ZNF431: variants seen among roughly 807,000 people sequenced by gnomAD.
The protein encoded by ZNF431 is zinc finger protein 431.
Under a neutral mutation model 57.0 loss-of-function variants are expected in ZNF431, and 34 were observed. The observed-to-expected ratio is 0.60, with a 90% confidence interval of 0.45 to 0.79. The LOEUF is 0.79. Among genes scored for constraint, ZNF431 ranks in the 30% least tolerant of loss-of-function variants. ZNF431 has a pLI of 0.00. For missense variants in ZNF431, 607 were observed against 667.1 expected (o/e 0.91, Z 0.99); for synonymous variants, 207 against 220.3 (o/e 0.94, Z 0.54).
chr19:21,189,182 A>G lies in ZNF431; in HGVS notation c.*5148A>G, dbSNP rs1472699698. The G allele has an allele frequency of 1.3e-5, 2 of 152,098 alleles. No individual in the cohort carries two copies. The highest frequency in any genetic ancestry group is 4.8e-5 in the African/African-American group (2 of 41,410). 9.4% of individuals were successfully genotyped at this position (152,098 alleles called of 1,614,324 possible). On this transcript the variant is annotated 3_prime_UTR_variant, in exon 5 of 5. Transcript: ENST00000311048. ...ATAGTTAAATTATTATTTCTAGGTAATTAATAATTTATCTCACATTGGTCA... is the reference window on the plus strand; with the variant it reads ...ATAGTTAAATTATTATTTCTAGGTAGTTAATAATTTATCTCACATTGGTCA...
At chr19:21,179,006 CT>C (rs1265386636) in intron 4 of ZNF431, among the ~76,000 whole-genome samples, 1 of 151,928 alleles carries the variant, frequency 6.6e-6, no homozygotes, top group Non-Finnish European at 1.5e-5. Flanking sequence ...TGATCCTGGA[CT>C]TTTTTTGTTG....
intron 2 of ZNF431, chr19:21,150,023 T>A (rs1480935868): frequency 1.2e-5 from 7 of 593,162 alleles, no homozygotes; most frequent in Admixed American, 1.2e-4. Context: ...GGTGACAGTG[T>A]TAATTCCTGC....
chr19:21,193,643 C>T lies in ZNF431; in HGVS notation c.*9609C>T, dbSNP rs1424968616. 6.6e-6 allele frequency: 1 copy of T among 152,180 alleles called. No individual in the cohort carries two copies. Among genetic ancestry groups the T allele is most frequent in the African/African-American group, 2.4e-5 (1 of 41,452 alleles). 9.4% of individuals were successfully genotyped at this position (152,180 alleles called of 1,614,324 possible). A position where few individuals can be genotyped will look rare whatever the true frequency, so the allele number is the denominator to read the frequency against. On this transcript the variant is annotated 3_prime_UTR_variant, in exon 5 of 5. Transcript: ENST00000311048. Reference sequence around the variant, plus strand: ...GGGTGAACATTGAAACAAAAATCCTCCATGAAATAATAGCAAGCTGAGTTC... The same window carrying T: ...GGGTGAACATTGAAACAAAAATCCTTCATGAAATAATAGCAAGCTGAGTTC...
At chr19:21,149,200 A>G (rs1970194074) in intron 2 of ZNF431, among the ~76,000 whole-genome samples, 1 of 152,182 alleles carries the variant, frequency 6.6e-6, no homozygotes, top group African/African-American at 2.4e-5. Flanking sequence ...CTAATTCCAT[A>G]TGTCTCAAGG....
intron 4 of ZNF431, among the ~76,000 whole-genome samples, chr19:21,172,868 A>G (rs1970945861): frequency 1.3e-5 from 2 of 152,194 alleles, no homozygotes; most frequent in African/African-American, 4.8e-5. Context: ...TAGAAATTTC[A>G]CATGTTGTGA....
chr19:21,166,332 C>G lies in ZNF431; in HGVS notation c.97-3C>G. ...TGTGTGTCTCTGTGCTTGTGTTTTT[C>G]AGGAGACATTGACATTTAGGGATGT... On this transcript the variant is annotated splice_region_variant and splice_polypyrimidine_tract_variant and intron_variant, in intron 2 of 4. Coordinates refer to ENST00000311048, the MANE Select transcript of ZNF431 (RefSeq NM_133473.4). The G allele has an allele frequency of 6.2e-7, 1 of 1,612,296 alleles. No individual in the cohort carries two copies. Among genetic ancestry groups the G allele is most frequent in the Non-Finnish European group, 8.5e-7 (1 of 1,179,464 alleles).
In ZNF431 at chr19:21,195,438, T is replaced by C. The variant is rs1357072004; in HGVS notation, c.*11404T>C. The C allele has an allele frequency of 6.6e-6, 1 of 152,200 alleles. No individual in the cohort carries two copies. Among genetic ancestry groups the C allele is most frequent in the Admixed American group, 6.5e-5 (1 of 15,272 alleles). The allele number at this position is 152,200 out of a possible 1,614,324, so 9.4% of individuals were successfully genotyped here. A position where few individuals can be genotyped will look rare whatever the true frequency, so the allele number is the denominator to read the frequency against. On this transcript the variant is annotated 3_prime_UTR_variant, in exon 5 of 5. Transcript: ENST00000311048. ...TTTCACTTCCAACTTTTTTAAAAGATACACAATTTTCTAAAAAATTTTTCT... is the reference window on the plus strand; with the variant it reads ...TTTCACTTCCAACTTTTTTAAAAGACACACAATTTTCTAAAAAATTTTTCT...
rs996654384 is a variant in ZNF431 at position 21,187,518 on chromosome 19, C to T, written c.*3484C>T. The T allele has an allele frequency of 6.7e-6, 1 of 149,668 alleles. No homozygotes were observed. Among genetic ancestry groups the T allele is most frequent in the African/African-American group, 2.5e-5 (1 of 40,730 alleles). The allele number at this position is 149,668 out of a possible 1,614,324, so 9.3% of individuals were successfully genotyped here. A position where few individuals can be genotyped will look rare whatever the true frequency, so the allele number is the denominator to read the frequency against. On this transcript the variant is annotated 3_prime_UTR_variant, in exon 5 of 5. Transcript: ENST00000311048. ...CTTTGGGAGGCCAAGGTGGGCGAAT[C>T]ACTTGAGGTCGGGAGTTTGAGACCA...
intron 2 of ZNF431, 99 bp from the exon 3 acceptor site, chr19:21,166,236 A>G: frequency 1.3e-6 from 2 of 1,489,160 alleles, no homozygotes; most frequent in Non-Finnish European, 1.8e-6. Context: ...AGTCAGAATC[A>G]GTTCTCTTTA....
At chr19:21,163,048 TTATC>T (rs1371435192) in intron 2 of ZNF431, among the ~76,000 whole-genome samples, 1 of 152,148 alleles carries the variant, frequency 6.6e-6, no homozygotes, top group Non-Finnish European at 1.5e-5. Flanking sequence ...GCTGAACCCT[TTATC>T]TAAATCCTGG....
Position 21,190,942 on chromosome 19 carries a change from C to T in ZNF431, c.*6908C>T, listed in dbSNP as rs1449638956. 2 of 152,028 alleles carry T rather than the reference C, an allele frequency of 1.3e-5. No homozygotes were observed. Among genetic ancestry groups the T allele is most frequent in the African/African-American group, 4.8e-5 (2 of 41,392 alleles). 9.4% of individuals were successfully genotyped at this position (152,028 alleles called of 1,614,324 possible). Reference sequence around the variant, plus strand: ...AAGTGCTGAGATTACAGGCATGAGCCACCGCGTCCGGCCTATTATTTTTAA... The same window carrying T: ...AAGTGCTGAGATTACAGGCATGAGCTACCGCGTCCGGCCTATTATTTTTAA... On this transcript the variant is annotated 3_prime_UTR_variant, in exon 5 of 5. Transcript: ENST00000311048.
At chr19:21,170,218 A>G (rs1462307295) in intron 4 of ZNF431, among the ~76,000 whole-genome samples, 5 of 152,124 alleles carry the variant, frequency 3.3e-5, no homozygotes, top group African/African-American at 9.7e-5. Context: ...TGGTCTGGAA[A>G]TCCAGGCCTG....
At chr19:21,178,790 G>A (rs912225073) in intron 4 of ZNF431, among the ~76,000 whole-genome samples, 5 of 68,332 alleles carry the variant, frequency 7.3e-5, no homozygotes, top group African/African-American at 3.2e-4. Flanking sequence ...TTGACTTGAA[G>A]GTTTGTGTGT....
chr19:21,142,162 G>T lies in ZNF431; in HGVS notation c.-22G>T, dbSNP rs781150766. The T allele has an allele frequency of 3.7e-6, 6 of 1,612,542 alleles. No individual in the cohort carries two copies. The Admixed American group carries it at 6.7e-5, about 18-fold the overall frequency. On this transcript the variant is annotated 5_prime_UTR_variant, in exon 1 of 5. Transcript: ENST00000311048. The stretch of plus-strand genomic sequence containing the variant: ...TTGGGAGACCCACAGCTAAGACACC[G>T]GGACCCCCTGAAAGCCTAGAAATGG...
At position 21,190,087 on chromosome 19, in the gene ZNF431, T is replaced by C. The variant is rs957741325; in HGVS notation, c.*6053T>C. On this transcript the variant is annotated 3_prime_UTR_variant, in exon 5 of 5. Transcript: ENST00000311048. ...CAGAGGCTGAGGCATGAGAATCCCT[T>C]GAACCACAGATGCAGAGGTTGCAGT... The C allele has an allele frequency of 2.6e-6, 1 of 379,236 alleles. No individual in the cohort carries two copies. The highest frequency in any genetic ancestry group is 4.7e-6 in the Non-Finnish European group (1 of 214,446). 23.5% of individuals were successfully genotyped at this position (379,236 alleles called of 1,614,324 possible).
chr19:21,182,846 T>C lies in ZNF431; in HGVS notation c.543T>C (p.Tyr181=). The change falls in exon 5 of 5, where the codon TAT becomes TAC. Residue 181 remains tyrosine (Y), a synonymous_variant. Transcript: ENST00000311048. ...TQSKIFPCDK[Y]VKVFHKFLNA... is the part of the protein sequence containing the mutation. ...GCAAAATATTTCCATGTGATAAATA[T>C]GTGAAAGTCTTTCATAAATTTTTAA... The C allele has an allele frequency of 6.2e-7, 1 of 1,613,982 alleles. No individual in the cohort carries two copies.
rs138225122 is a variant in ZNF431 at position 21,144,265 on chromosome 19, C to T, written c.96+622C>T. Among the ~76,000 whole-genome samples the T allele has an allele frequency of 6.3e-3, 942 of 150,586 alleles. 6 individuals are homozygous for T. The highest frequency in any genetic ancestry group is 9.6e-3 in the Non-Finnish European group (650 of 67,856). On this transcript the variant is annotated intron_variant, in intron 2 of 4. Coordinates refer to ENST00000311048, the MANE Select transcript of ZNF431 (RefSeq NM_133473.4). ...CTGCCCAGGCTGCAGAAGGATTGAT[C>T]TTGGCTCACTACAACCTCTGTCTCC...
intron 2 of ZNF431, among the ~76,000 whole-genome samples, chr19:21,144,694 A>G (rs1360505758): frequency 6.6e-6 from 1 of 152,176 alleles, no homozygotes; most frequent in African/African-American, 2.4e-5. Context: ...CTTAGCTTTT[A>G]GAATGCTAGC....
intron 4 of ZNF431, among the ~76,000 whole-genome samples, chr19:21,174,910 G>A (rs1024173812): frequency 6.6e-6 from 1 of 151,868 alleles, no homozygotes; most frequent in Non-Finnish European, 1.5e-5. Flanking sequence ...GTAGCTGGGA[G>A]TACAGGTGTA....
Sources: allele counts gnomAD v4.1 joint callset (sites outside exome capture counted in the v4.1 genomes callset), GRCh38; gene constraint gnomAD v4.1.1; transcripts MANE v1.5; gene names NCBI Gene and HGNC (gene_info 2026-07-23, HGNC 2026-07-21).